Variants in UNC5C observed in about 807,000 individuals in gnomAD.
UNC5C encodes netrin receptor UNC5C.
A neutral mutation model predicts 99.8 loss-of-function variants in UNC5C; 47 were observed. The ratio of observed to expected loss-of-function variants is 0.47; its 90% CI spans 0.37 to 0.60. The LOEUF (loss-of-function observed/expected upper bound fraction) is 0.60, where lower values mean the gene tolerates loss of function less well. UNC5C is among the 20% of genes least tolerant of loss of function. The pLI, the probability that UNC5C is intolerant of heterozygous loss-of-function variation, is 0.00. For synonymous variants in UNC5C, 487 were observed against 452.2 expected, an observed-to-expected ratio of 1.08 and a Z score of -0.98; for missense variants, 1,062 against 1,165.9, an observed-to-expected ratio of 0.91 and a Z score of 1.30.
intron 2 of UNC5C, among the ~76,000 whole-genome samples, chr4:95,323,851 C>G (rs972995764): frequency 2.6e-5 from 4 of 152,242 alleles, no homozygotes; most frequent in Non-Finnish European, 5.9e-5. Flanking sequence ...GCCTGGCCAA[C>G]ATGGTGAAAC....
chr4:95,288,904 A>G (rs979714197), intron 3 of UNC5C, among the ~76,000 whole-genome samples: 1 of 83,344 alleles, frequency 1.2e-5, no homozygotes, highest in East Asian at 5.8e-4. Flanking sequence ...CTTTTTCCAC[A>G]TAAGGTTAAT....
intron 1 of UNC5C, among the ~76,000 whole-genome samples, chr4:95,359,105 G>A (rs142504082): frequency 6.6e-6 from 1 of 152,112 alleles, no homozygotes; most frequent in South Asian, 2.1e-4. Context: ...TGCCCAATAA[G>A]TTTGTTTTGG....
rs187890135 is a variant in UNC5C, at chr4:95,229,278, G to A, written c.1109-9102C>T. Reference sequence around the variant, plus strand: ...TTCTCCTAATGCTATCCCTCCCCTAGCCCCCCACCCCGACAGGCCCCGATG... The same window carrying A: ...TTCTCCTAATGCTATCCCTCCCCTAACCCCCCACCCCGACAGGCCCCGATG... On this transcript the variant is annotated intron_variant, in intron 7 of 15. Transcript: ENST00000453304. Among the ~76,000 whole-genome samples the A allele has an allele frequency of 5.1e-3, 758 of 149,080 alleles. 10 individuals are homozygous for A. Among genetic ancestry groups the A allele is most frequent in the African/African-American group, 0.016 (654 of 40,492 alleles).
intron 1 of UNC5C, among the ~76,000 whole-genome samples, chr4:95,544,941 AAACGCAGTT>A (rs1250270527): frequency 1.3e-5 from 2 of 152,238 alleles, no homozygotes; most frequent in Non-Finnish European, 2.9e-5. Flanking sequence ...GAAAAGTGTT[AAACGCAGTT>A]AAGGCCTAAT....
intron 1 of UNC5C, among the ~76,000 whole-genome samples, chr4:95,341,731 C>T (rs889977310): frequency 2.6e-5 from 4 of 152,084 alleles, no homozygotes; most frequent in African/African-American, 9.7e-5. Context: ...GTTTTAACTT[C>T]ATATCACTGA....
At chr4:95,524,592 G>A (rs1722451608) in intron 1 of UNC5C, among the ~76,000 whole-genome samples, 1 of 152,162 alleles carries the variant, frequency 6.6e-6, no homozygotes, top group African/African-American at 2.4e-5. Context: ...AGAACCTGGA[G>A]TCTTTTGTTT....
intron 4 of UNC5C, among the ~76,000 whole-genome samples, chr4:95,256,569 T>C (rs1476047723): frequency 6.6e-6 from 1 of 151,880 alleles, no homozygotes; most frequent in Non-Finnish European, 1.5e-5. Flanking sequence ...ACTGTTTGTC[T>C]TATCTTCTGC....
intron 3 of UNC5C, among the ~76,000 whole-genome samples, chr4:95,298,700 A>G (rs1270681005): frequency 6.6e-6 from 1 of 152,020 alleles, no homozygotes; most frequent in Non-Finnish European, 1.5e-5. Context: ...CATTCATTTT[A>G]TTTAGAGTTT....
At chr4:95,536,495 A>G (rs1379053232) in intron 1 of UNC5C, among the ~76,000 whole-genome samples, 1 of 152,178 alleles carries the variant, frequency 6.6e-6, no homozygotes, top group African/African-American at 2.4e-5. Context: ...AACCTATTCC[A>G]AAATCTAATG....
chr4:95,411,353 A>G (rs1450601333), intron 1 of UNC5C, among the ~76,000 whole-genome samples: 6 of 152,202 alleles, frequency 3.9e-5, no homozygotes, highest in Non-Finnish European at 8.8e-5. Context: ...GATTAGGGGT[A>G]CATAGTGCAG....
chr4:95,225,469 G>A (rs987298924), intron 7 of UNC5C, among the ~76,000 whole-genome samples: 1 of 152,150 alleles, frequency 6.6e-6, no homozygotes, highest in Admixed American at 6.5e-5. Flanking sequence ...ATGGAGCAAG[G>A]TGATAGGGTT....
chr4:95,320,254 T>C (rs896755821), intron 2 of UNC5C, among the ~76,000 whole-genome samples: 30 of 151,796 alleles, frequency 2.0e-4, no homozygotes, highest in African/African-American at 7.3e-4. Flanking sequence ...AAACCTCGTC[T>C]CTACTAAAAA....
chr4:95,432,434 A>G (rs1235748418), intron 1 of UNC5C, among the ~76,000 whole-genome samples: 1 of 152,136 alleles, frequency 6.6e-6, no homozygotes, highest in African/African-American at 2.4e-5. Flanking sequence ...ATAATCATAC[A>G]GTTTTCCAAA....
chr4:95,358,625 A>C (rs1744289114), intron 1 of UNC5C, among the ~76,000 whole-genome samples: 1 of 152,180 alleles, frequency 6.6e-6, no homozygotes, highest in East Asian at 1.9e-4. Flanking sequence ...TCTCCTTAAC[A>C]TTTTACTCTG....
intron 1 of UNC5C, among the ~76,000 whole-genome samples, chr4:95,544,503 T>A (rs1422282942): frequency 6.6e-6 from 1 of 152,220 alleles, no homozygotes; most frequent in Non-Finnish European, 1.5e-5. Flanking sequence ...ATCCAGAAAG[T>A]ACTATACCTG....
chr4:95,388,927 T>C (rs562605388), intron 1 of UNC5C, among the ~76,000 whole-genome samples: 1 of 152,292 alleles, frequency 6.6e-6, no homozygotes, highest in East Asian at 1.9e-4. Flanking sequence ...TAAGCCTATA[T>C]ATTATATATA....
intron 7 of UNC5C, among the ~76,000 whole-genome samples, chr4:95,238,944 G>A (rs1329446670): frequency 1.3e-5 from 2 of 151,858 alleles, no homozygotes; most frequent in Non-Finnish European, 2.9e-5. Context: ...TTTCATTTGT[G>A]CTTATGTTCC....
At chr4:95,397,078 C>A (rs1208277287) in intron 1 of UNC5C, among the ~76,000 whole-genome samples, 7 of 152,090 alleles carry the variant, frequency 4.6e-5, no homozygotes, top group African/African-American at 1.7e-4. Flanking sequence ...GAAGGGTGGG[C>A]AGTCTTGTGT....
chr4:95,265,100 T>C (rs1740394336), intron 4 of UNC5C, among the ~76,000 whole-genome samples: 1 of 152,104 alleles, frequency 6.6e-6, no homozygotes, highest in Non-Finnish European at 1.5e-5. Context: ...CAAGAATCAG[T>C]GTAAAAACTC....
Sources: gnomAD v4.1 joint callset for allele counts (sites outside exome capture counted in the v4.1 genomes callset) on GRCh38, gnomAD v4.1.1 for gene constraint, MANE v1.5 for transcripts, NCBI Gene and HGNC (gene_info 2026-07-23, HGNC 2026-07-21) for gene names.